Variants in TCEA1 observed in about 807,000 individuals in gnomAD.
The protein encoded by TCEA1 is transcription elongation factor A protein 1.
In TCEA1, 21 loss-of-function variants were observed where a neutral mutation model predicts 43.8. The ratio of observed to expected loss-of-function variants is 0.48; its 90% CI spans 0.34 to 0.69. The LOEUF (loss-of-function observed/expected upper bound fraction) is 0.69, where lower values mean the gene tolerates loss of function less well. TCEA1 is among the 30% of genes least tolerant of loss of function. TCEA1 has a pLI of 0.01. For missense variants in TCEA1, 250 were observed against 365.1 expected, an observed-to-expected ratio of 0.68 and a Z score of 2.57; for synonymous variants, 104 against 117.5, an observed-to-expected ratio of 0.88 and a Z score of 0.75.
intron 4 of TCEA1, among the ~76,000 whole-genome samples, chr8:53,992,229 T>C (rs1803905463): frequency 6.6e-6 from 1 of 151,496 alleles, no homozygotes; most frequent in South Asian, 2.1e-4. Context: ...GGAGAATCAT[T>C]TGAATTTGGA....
chr8:53,973,296 G>A (rs1205762146), intron 8 of TCEA1: 1 of 514,500 alleles, frequency 1.9e-6, no homozygotes, highest in Non-Finnish European at 3.6e-6. Flanking sequence ...CTTAAAGAAA[G>A]TGCAAAGAGA....
At chr8:54,004,543 G>T (rs1179117764) in intron 2 of TCEA1, among the ~76,000 whole-genome samples, 1 of 152,212 alleles carries the variant, frequency 6.6e-6, no homozygotes, top group Non-Finnish European at 1.5e-5. Context: ...GATACTGTAT[G>T]ATTCCATTTA....
chr8:53,991,982 C>G (rs1001581870), intron 4 of TCEA1, among the ~76,000 whole-genome samples: 1 of 151,812 alleles, frequency 6.6e-6, no homozygotes, highest in Non-Finnish European at 1.5e-5. Context: ...TATTGAGAAA[C>G]AAAGTTAAAA....
intron 1 of TCEA1, 116 bp downstream of exon 1, chr8:54,021,947 G>T: frequency 9.1e-7 from 1 of 1,095,352 alleles, no homozygotes; most frequent in African/African-American, 1.7e-5. Flanking sequence ...CGGCGGGCCC[G>T]GCTCCCAGAC....
chr8:54,004,868 T>C (rs552752669), intron 2 of TCEA1, among the ~76,000 whole-genome samples: 9 of 152,244 alleles, frequency 5.9e-5, no homozygotes, highest in Admixed American at 1.3e-4. Context: ...TCTGCCACTA[T>C]ATTCAGCATG....
At chr8:53,976,336 T>C (rs1390515875) in intron 8 of TCEA1, among the ~76,000 whole-genome samples, 6 of 152,322 alleles carry the variant, frequency 3.9e-5, no homozygotes, top group African/African-American at 1.2e-4. Flanking sequence ...TGAAAATGGT[T>C]TGAAAACTCC....
At chr8:54,013,384 G>T (rs1043442725) in intron 1 of TCEA1, among the ~76,000 whole-genome samples, 23 of 151,982 alleles carry the variant, frequency 1.5e-4, no homozygotes, top group African/African-American at 5.3e-4. Flanking sequence ...ATAACTATGG[G>T]CTGGGCACGG....
chr8:54,001,518 A>G (rs1034934955), intron 2 of TCEA1, among the ~76,000 whole-genome samples: 1 of 152,190 alleles, frequency 6.6e-6, no homozygotes, highest in Non-Finnish European at 1.5e-5. Flanking sequence ...AGCCCCAAAC[A>G]ATTTGGGGTT....
Position 53,984,379 on chromosome 8 carries a change from G to A in TCEA1, c.662C>T (p.Ala221Val). The change falls in exon 7 of 10, where the codon GCT (alanine) becomes GTT (valine). Residue 221 changes from alanine to valine, a missense_variant. By Grantham distance (64) the Ala-to-Val change is moderately conservative. Around this residue, in one of 4 missense-constraint regions of TCEA1, gnomAD observed 46 missense variants for 109.8 expected, o/e 0.42. Coordinates refer to ENST00000521604, the MANE Select transcript of TCEA1 (RefSeq NM_006756.4). ...CATACTCACCTCTGCTGTCATTCTAGCAAATAAGTCAGGAGGAATATTCCC... is the reference window on the plus strand; with the variant it reads ...CATACTCACCTCTGCTGTCATTCTAACAAATAAGTCAGGAGGAATATTCCC... ...LCGNIPPDLF[A>V]RMTAEEMASD... 1.3e-6 allele frequency: 2 copies of A among 1,599,616 alleles called. No individual in the cohort carries two copies. Among genetic ancestry groups the A allele is most frequent in the Non-Finnish European group, 1.7e-6 (2 of 1,174,992 alleles).
At chr8:53,987,554 T>C (rs1049098461) in intron 5 of TCEA1, among the ~76,000 whole-genome samples, 3 of 152,118 alleles carry the variant, frequency 2.0e-5, no homozygotes, top group African/African-American at 4.8e-5. Context: ...AAACTAGCCA[T>C]GGTGCAGAAT....
At chr8:53,992,628 C>A (rs1244720801) in intron 4 of TCEA1, among the ~76,000 whole-genome samples, 1 of 152,182 alleles carries the variant, frequency 6.6e-6, no homozygotes, top group East Asian at 1.9e-4. Flanking sequence ...GTATCTGGGC[C>A]CCTCCCCACC....
intron 2 of TCEA1, among the ~76,000 whole-genome samples, chr8:54,009,323 A>G (rs964706834): frequency 3.3e-5 from 5 of 152,200 alleles, no homozygotes; most frequent in Admixed American, 3.3e-4. Flanking sequence ...TCCCACTACC[A>G]AATATTTATC....
At chr8:54,008,542 TG>T (rs1804549007) in intron 2 of TCEA1, among the ~76,000 whole-genome samples, 2 of 151,600 alleles carry the variant, frequency 1.3e-5, no homozygotes, top group South Asian at 4.2e-4. Context: ...CCCAGTTACT[TG>T]GGGGTAAGGG....
chr8:53,990,332 G>C (rs1465938817), intron 4 of TCEA1, among the ~76,000 whole-genome samples: 2 of 150,388 alleles, frequency 1.3e-5, no homozygotes, highest in African/African-American at 4.9e-5. Context: ...TTGAGCCACC[G>C]TGCCAGGCCC....
intron 3 of TCEA1, among the ~76,000 whole-genome samples, chr8:53,994,770 C>G (rs374810287): frequency 2.0e-4 from 31 of 152,006 alleles, no homozygotes; most frequent in Middle Eastern, 3.4e-3. Context: ...ACTCAGGAGG[C>G]TGAGGCAGAA....
At chr8:53,995,155 G>C (rs1586014874) in intron 3 of TCEA1, among the ~76,000 whole-genome samples, 1 of 151,948 alleles carries the variant, frequency 6.6e-6, no homozygotes, top group African/African-American at 2.4e-5. Flanking sequence ...ACAAAAATTA[G>C]CTGGACATGG....
chr8:54,012,832 G>A (rs1804694722), intron 1 of TCEA1, among the ~76,000 whole-genome samples: 1 of 152,014 alleles, frequency 6.6e-6, no homozygotes, highest in African/African-American at 2.4e-5. Flanking sequence ...TACTCCAGAA[G>A]CTGAGGCGGG....
At chr8:53,969,887 T>A (rs571529570) in intron 9 of TCEA1, among the ~76,000 whole-genome samples, 18 of 152,204 alleles carry the variant, frequency 1.2e-4, no homozygotes, top group Non-Finnish European at 1.2e-4. Flanking sequence ...TAAACTTGCC[T>A]GTGTGGGACT....
chr8:53,976,047 A>C (rs1803321824), intron 8 of TCEA1, among the ~76,000 whole-genome samples: 1 of 152,232 alleles, frequency 6.6e-6, no homozygotes, highest in African/African-American at 2.4e-5. Context: ...TCAAAAACAG[A>C]AAGGTTATTT....
Sources: allele counts gnomAD v4.1 joint callset (sites outside exome capture counted in the v4.1 genomes callset), GRCh38; gene constraint gnomAD v4.1.1; regional missense constraint gnomAD v4.1.1; transcripts MANE v1.5; gene names NCBI Gene and HGNC (gene_info 2026-07-23, HGNC 2026-07-21).